Variants in SUSD1 observed in about 807,000 individuals in gnomAD.
SUSD1 encodes the protein sushi domain-containing protein 1.
A neutral mutation model predicts 86.9 loss-of-function variants in SUSD1; 65 were observed. The ratio of observed to expected loss-of-function variants is 0.75; its 90% confidence interval spans 0.61 to 0.92. SUSD1 has a LOEUF of 0.92. Among genes scored for constraint, SUSD1 ranks in the 40% least tolerant of loss-of-function variants. SUSD1 has a pLI of 0.00. For synonymous variants in SUSD1, 346 were observed against 350.0 expected, an observed-to-expected ratio of 0.99 and a Z score of 0.13; for missense variants, 850 against 929.7, an observed-to-expected ratio of 0.91 and a Z score of 1.11.
chr9:112,089,169 GAGAAAAC>G (rs1830101549), intron 10 of SUSD1, among the ~76,000 whole-genome samples: 1 of 152,132 alleles, frequency 6.6e-6, no homozygotes, highest in South Asian at 2.1e-4. Context: ...AAAGTTAAAT[GAGAAAAC>G]AGAAGAGAGG....
chr9:112,072,621 C>G (rs999211106), intron 12 of SUSD1, among the ~76,000 whole-genome samples: 1 of 152,144 alleles, frequency 6.6e-6, no homozygotes, highest in South Asian at 2.1e-4. Context: ...GATTCAGATG[C>G]TGGTAGCAAG....
At chr9:112,172,017 G>A (rs984084085) in intron 1 of SUSD1, among the ~76,000 whole-genome samples, 7 of 152,058 alleles carry the variant, frequency 4.6e-5, no homozygotes, top group Non-Finnish European at 7.4e-5. Context: ...CCAACATGGT[G>A]AAACCCCATC....
chr9:112,095,172 C>T (rs936971719), intron 10 of SUSD1, among the ~76,000 whole-genome samples: 2 of 152,034 alleles, frequency 1.3e-5, no homozygotes, highest in African/African-American at 2.4e-5. Context: ...ACAGAGACCT[C>T]GGAGGCAGAT....
chr9:112,138,233 A>ATGTG (rs1195852648), intron 5 of SUSD1, among the ~76,000 whole-genome samples: 1 of 39,744 alleles, frequency 2.5e-5, no homozygotes, highest in African/African-American at 5.9e-5. Context: ...CAAAAAAAAA[A>ATGTG]TGTGTATATA....
chr9:112,146,289 TG>T (rs1482561458), intron 3 of SUSD1: 1 of 152,202 alleles, frequency 6.6e-6, no homozygotes, highest in African/African-American at 2.4e-5. Flanking sequence ...GTCTTCATGG[TG>T]GGGGCATGAA....
At chr9:112,068,240 C>T (rs555682784) in intron 12 of SUSD1, among the ~76,000 whole-genome samples, 27 of 152,186 alleles carry the variant, frequency 1.8e-4, no homozygotes, top group South Asian at 4.2e-4. Flanking sequence ...CTATCAAACA[C>T]GGAAATAGAC....
intron 10 of SUSD1, among the ~76,000 whole-genome samples, chr9:112,086,094 A>G (rs1434161508): frequency 1.3e-5 from 2 of 152,106 alleles, no homozygotes; most frequent in African/African-American, 4.8e-5. Flanking sequence ...GCTTGAGCCC[A>G]GGAGTTTCAG....
At chr9:112,078,781 T>C in intron 11 of SUSD1, 57 bp from the exon 12 acceptor site, 2 of 1,421,012 alleles carry the variant, frequency 1.4e-6, no homozygotes. Flanking sequence ...TTTAGATGCC[T>C]TGAAACCTCC....
chr9:112,052,453 A>G lies in SUSD1; in HGVS notation c.2110-15T>C, dbSNP rs996687144. 5 of 1,613,920 alleles carry G rather than the reference A, an allele frequency of 3.1e-6. No homozygotes were observed. In the African/African-American group the frequency reaches 6.7e-5, roughly 22 times the overall value. On this transcript the variant is annotated splice_polypyrimidine_tract_variant and intron_variant, in intron 14 of 16. Coordinates refer to ENST00000374270, the MANE Select transcript of SUSD1 (RefSeq NM_022486.5). Reference sequence around the variant, plus strand: ...TGTCTTCTCACCTATAAAGGAAAACATAGCAATGCATTTAGCTAGGTGGCA... The same window carrying G: ...TGTCTTCTCACCTATAAAGGAAAACGTAGCAATGCATTTAGCTAGGTGGCA...
chr9:112,151,367 C>T (rs1346794214), intron 2 of SUSD1, among the ~76,000 whole-genome samples: 1 of 152,056 alleles, frequency 6.6e-6, no homozygotes, highest in Non-Finnish European at 1.5e-5. Flanking sequence ...GAGGCTGAGG[C>T]AGGAGGATCG....
chr9:112,086,562 G>GAAAGAAAGAAAGAA (rs1437452928), intron 10 of SUSD1, among the ~76,000 whole-genome samples: 1,951 of 131,020 alleles, frequency 0.015, 107 homozygotes, highest in African/African-American at 0.063. Flanking sequence ...AAGAAAGAAA[G>GAAAGAAAGAAAGAA]AGAGAGAGAG....
intron 8 of SUSD1, among the ~76,000 whole-genome samples, chr9:112,107,567 A>T (rs1830906290): frequency 1.3e-5 from 2 of 152,204 alleles, no homozygotes; most frequent in Non-Finnish European, 2.9e-5. Context: ...AAAAGCTCTC[A>T]ATACATGCTG....
intron 1 of SUSD1, among the ~76,000 whole-genome samples, chr9:112,168,156 C>T (rs1684227978): frequency 6.6e-6 from 1 of 152,178 alleles, no homozygotes; most frequent in African/African-American, 2.4e-5. Flanking sequence ...ATGTGTCAGA[C>T]ATTGTTATAA....
At chr9:112,142,239 C>A in intron 5 of SUSD1, 81 bp downstream of exon 5, 1 of 1,234,842 alleles carries the variant, frequency 8.1e-7, no homozygotes, top group Non-Finnish European at 1.1e-6. Context: ...CATTTATTCC[C>A]TGAAACTGAA....
chr9:112,141,866 T>C (rs1004158890), intron 5 of SUSD1, among the ~76,000 whole-genome samples: 7 of 140,660 alleles, frequency 5.0e-5, no homozygotes, highest in African/African-American at 7.7e-5. Flanking sequence ...TGTATATATA[T>C]ACATATATGT....
chr9:112,115,738 G>A (rs1429537611), intron 6 of SUSD1, among the ~76,000 whole-genome samples: 3 of 144,316 alleles, frequency 2.1e-5, no homozygotes, highest in African/African-American at 7.8e-5. Context: ...GAACCTGGGA[G>A]GCAGAGGTTG....
rs1832623300 is a variant in SUSD1 at position 112,142,515 on chromosome 9, T to C, written c.527-16A>G. 2.5e-6 allele frequency: 4 copies of C among 1,605,206 alleles called. No individual in the cohort carries two copies. The highest frequency in any genetic ancestry group is 1.8e-5 in the Admixed American group (1 of 56,432). On this transcript the variant is annotated splice_polypyrimidine_tract_variant and intron_variant, in intron 4 of 16. Coordinates refer to ENST00000374270, the MANE Select transcript of SUSD1 (RefSeq NM_022486.5). The stretch of plus-strand genomic sequence containing the variant: ...CAGTCTATTTCTGAAAATAAATTAA[T>C]GTCAAATTCATTACCTCGTGAATGT...
In SUSD1 at chr9:112,112,843, T is replaced by C. The variant is rs1249497369; in HGVS notation, c.912A>G (p.Val304=). Residue 304 remains valine (V), a synonymous_variant, in exon 7 of 17, where the codon GTA becomes GTG. Transcript: ENST00000374270. ...CTEILTKIND[V]SLFNDTCVRW... ...TCACACAGGTATCATTAAACAGTGA[T>C]ACATCATTAATCTTTGTCAGAATTT... The C allele has an allele frequency of 1.2e-6, 2 of 1,612,690 alleles. No individual in the cohort carries two copies. Among genetic ancestry groups the C allele is most frequent in the South Asian group, 1.1e-5 (1 of 91,052 alleles).
At chr9:112,162,376 G>T (rs545212210) in intron 1 of SUSD1, among the ~76,000 whole-genome samples, 77 of 152,312 alleles carry the variant, frequency 5.1e-4, no homozygotes, top group Non-Finnish European at 9.1e-4. Flanking sequence ...TTGAGAGATG[G>T]TAGATAGCAG....
Sources: allele counts gnomAD v4.1 joint callset (sites outside exome capture counted in the v4.1 genomes callset), GRCh38; gene constraint gnomAD v4.1.1; transcripts MANE v1.5; gene names NCBI Gene and HGNC (gene_info 2026-07-23, HGNC 2026-07-21).